Variants in ARHGAP44 observed in about 807,000 individuals in gnomAD.
The protein encoded by ARHGAP44 is Rho GTPase activating protein 44, also known as rho GTPase-activating protein 44.
A neutral mutation model predicts 106.8 loss-of-function variants in ARHGAP44; 43 were observed. The ratio of observed to expected loss-of-function variants is 0.40; its 90% CI spans 0.32 to 0.52. ARHGAP44 has a LOEUF of 0.52. ARHGAP44 is among the 20% of genes least tolerant of loss of function. The pLI is 0.48. For synonymous variants in ARHGAP44, 439 were observed against 410.3 expected (o/e 1.07, Z -0.85); for missense variants, 866 against 1,050.5 (o/e 0.82, Z 2.43).
intron 1 of ARHGAP44, among the ~76,000 whole-genome samples, chr17:12,857,619 C>T (rs1383095383): frequency 1.3e-5 from 2 of 152,110 alleles, no homozygotes; most frequent in African/African-American, 2.4e-5. Context: ...AAAAGATGGC[C>T]TTCCCATGCA....
chr17:12,850,854 A>G (rs985049529), intron 1 of ARHGAP44, among the ~76,000 whole-genome samples: 2 of 152,220 alleles, frequency 1.3e-5, no homozygotes, highest in African/African-American at 4.8e-5. Flanking sequence ...TGAATGAATG[A>G]GGACCTGGCT....
intron 7 of ARHGAP44, among the ~76,000 whole-genome samples, chr17:12,930,309 C>T (rs1350290123): frequency 6.6e-6 from 1 of 152,070 alleles, no homozygotes; most frequent in African/African-American, 2.4e-5. Flanking sequence ...TCTTGGCTCA[C>T]CGCAACTTCC....
At chr17:12,798,757 A>G (rs926628383) in intron 1 of ARHGAP44, among the ~76,000 whole-genome samples, 14 of 152,156 alleles carry the variant, frequency 9.2e-5, no homozygotes, top group African/African-American at 1.9e-4. Context: ...GAGTTGTTCA[A>G]TGTTCTTTTT....
In ARHGAP44 at chr17:12,789,594, A is replaced by T. The variant is rs118036443; in HGVS notation, c.-245A>T. 28,432 of 283,276 alleles carry T rather than the reference A, an allele frequency of 0.1. 2,249 individuals carry two copies. The highest frequency in any genetic ancestry group is 0.26 in the East Asian group (4,277 of 16,664). The allele number at this position is 283,276 out of a possible 1,614,324, so 17.5% of individuals were successfully genotyped here. A position where few individuals can be genotyped will look rare whatever the true frequency, so the allele number is the denominator to read the frequency against. ...GCCGGTGCCGAGGACGGCCCCAGGC[A>T]TTGCTCTGCCCCGGGCATTGCGCGG... is the stretch of plus-strand genomic sequence containing the variant. On this transcript the variant is annotated 5_prime_UTR_variant, in exon 1 of 21. Transcript: ENST00000379672.
chr17:12,796,637 C>T (rs1235127782), intron 1 of ARHGAP44, among the ~76,000 whole-genome samples: 3 of 151,294 alleles, frequency 2.0e-5, no homozygotes, highest in African/African-American at 4.9e-5. Flanking sequence ...CACTCTGTCA[C>T]CCAGCCTGGA....
intron 3 of ARHGAP44, among the ~76,000 whole-genome samples, chr17:12,899,213 C>T (rs1367811691): frequency 6.6e-6 from 1 of 152,144 alleles, no homozygotes; most frequent in Admixed American, 6.5e-5. Flanking sequence ...TCGTGATCTG[C>T]CCACCTAGGC....
chr17:12,923,879 T>C (rs1188754509), intron 6 of ARHGAP44, among the ~76,000 whole-genome samples: 1 of 152,178 alleles, frequency 6.6e-6, no homozygotes, highest in African/African-American at 2.4e-5. Flanking sequence ...CCAAATGCTG[T>C]GCTATTGAAC....
chr17:12,811,084 G>A (rs534880430), intron 1 of ARHGAP44, among the ~76,000 whole-genome samples: 4 of 152,072 alleles, frequency 2.6e-5, no homozygotes, highest in Admixed American at 6.6e-5. Flanking sequence ...AGGCTGAGAC[G>A]GGCGGATCAC....
intron 1 of ARHGAP44, among the ~76,000 whole-genome samples, chr17:12,829,677 T>G (rs568856590): frequency 4.5e-4 from 68 of 152,238 alleles, no homozygotes; most frequent in Non-Finnish European, 8.7e-4. Flanking sequence ...ACCTTAAGGC[T>G]TTTTCACTAC....
Position 12,803,890 on chromosome 17 carries a change from TAC to T in ARHGAP44, c.53+14000_53+14001del, listed in dbSNP as rs140707617. Reference sequence around the variant, plus strand: ...GAAATTTACAATCTATATTTGTATTTACGGCTCTAAGAAGTTCTGCAGTTAAG... The same window carrying T: ...GAAATTTACAATCTATATTTGTATTTGGCTCTAAGAAGTTCTGCAGTTAAG... On this transcript the variant is annotated intron_variant, in intron 1 of 20. Transcript: ENST00000379672. Among the ~76,000 whole-genome samples, 731 of 152,348 alleles carry T rather than the reference TAC, an allele frequency of 4.8e-3. 27 individuals are homozygous for T. The East Asian group carries it at 0.086, about 18-fold the overall frequency.
At chr17:12,892,763 C>CTCTGTTCTGCTGTTGAACCCATCA (rs2037085141) in intron 1 of ARHGAP44, among the ~76,000 whole-genome samples, 1 of 149,366 alleles carries the variant, frequency 6.7e-6, no homozygotes, top group Admixed American at 6.7e-5. Flanking sequence ...CATCTGCCCG[C>CTCTGTTCTGCTGTTGAACCCATCA]TCTGTTCTGC....
At chr17:12,960,840 A>C (rs1351945267) in intron 16 of ARHGAP44, among the ~76,000 whole-genome samples, 1 of 152,136 alleles carries the variant, frequency 6.6e-6, no homozygotes. Flanking sequence ...CTGGGATTAC[A>C]AGTGTGAGCC....
intron 1 of ARHGAP44, among the ~76,000 whole-genome samples, chr17:12,874,341 C>T (rs998767917): frequency 6.6e-6 from 1 of 152,084 alleles, no homozygotes; most frequent in Non-Finnish European, 1.5e-5. Flanking sequence ...CACCCTCTGT[C>T]GTGGGAGGCA....
At position 12,961,926 on chromosome 17, in the gene ARHGAP44, G is replaced by A. The variant is rs180862128; in HGVS notation, c.1523+3029G>A. On this transcript the variant is annotated intron_variant, in intron 16 of 20. Transcript: ENST00000379672. ...AAATTTGCATCTCTTGAGTCCCTAT[G>A]TTATCTTAGTAACATTAGGCCAGTT... 2.0e-5 allele frequency among the ~76,000 whole-genome samples: 3 copies of A among 152,134 alleles called. No individual in the cohort carries two copies. The East Asian group carries it at 5.8e-4, about 29-fold the overall frequency.
intron 1 of ARHGAP44, among the ~76,000 whole-genome samples, chr17:12,873,233 T>G (rs1407778671): frequency 6.6e-6 from 1 of 152,234 alleles, no homozygotes; most frequent in African/African-American, 2.4e-5. Flanking sequence ...TCATTGCTGC[T>G]AAGGGACAGC....
At chr17:12,790,201 T>G in intron 1 of ARHGAP44, 2 of 370,662 alleles carry the variant, frequency 5.4e-6, no homozygotes, top group Non-Finnish European at 9.7e-6. Flanking sequence ...GACTCCCTTC[T>G]CCCTCTGGCC....
chr17:12,844,502 T>G (rs1185754324), intron 1 of ARHGAP44, among the ~76,000 whole-genome samples: 1 of 152,194 alleles, frequency 6.6e-6, no homozygotes, highest in Admixed American at 6.5e-5. Context: ...AACACTGTTG[T>G]CTTGGGGATT....
rs1327406603 is a variant in ARHGAP44, at chr17:12,974,282, G to A, written c.1735G>A (p.Gly579Ser). Residue 579 changes from glycine (G) to serine (S), a missense_variant, in exon 18 of 21, where the codon GGC becomes AGC. By Grantham distance (56) the Gly-to-Ser change is moderately conservative (BLOSUM62 0). Around this residue, in one of 2 missense-constraint regions of ARHGAP44, gnomAD observed 418 missense variants for 403.6 expected, o/e 1.04. Coordinates refer to ENST00000379672, the MANE Select transcript of ARHGAP44 (RefSeq NM_014859.6). ...CCCCGCGCTCTCTCCATCCGGCCTG[G>A]GCCTCCAGCCTGGGCCCGAGCGCAC... ...AAPALSPSGL[G>S]LQPGPERTST... 4.1e-6 allele frequency: 6 copies of A among 1,477,806 alleles called. No homozygotes were observed. Among genetic ancestry groups the A allele is most frequent in the Non-Finnish European group, 5.4e-6 (6 of 1,119,878 alleles). 91.5% of individuals were successfully genotyped at this position (1,477,806 alleles called of 1,614,324 possible).
chr17:12,931,989 G>A (rs1249968946), intron 7 of ARHGAP44, among the ~76,000 whole-genome samples: 1 of 151,856 alleles, frequency 6.6e-6, no homozygotes, highest in Non-Finnish European at 1.5e-5. Flanking sequence ...ATACTTATAT[G>A]TATATCCTTA....
Sources: allele counts gnomAD v4.1 joint callset (sites outside exome capture counted in the v4.1 genomes callset), GRCh38; gene constraint gnomAD v4.1.1; regional missense constraint gnomAD v4.1.1; transcripts MANE v1.5; gene names NCBI Gene and HGNC (gene_info 2026-07-23, HGNC 2026-07-21).